Variants in ZMAT4 observed in about 807,000 individuals in gnomAD.
The protein encoded by ZMAT4 is zinc finger matrin-type 4.
In ZMAT4, 17 loss-of-function variants were observed where a neutral mutation model predicts 28.7. That is an observed-to-expected ratio of 0.59 (90% CI 0.41 to 0.89). The LOEUF (loss-of-function observed/expected upper bound fraction) is 0.89. Among genes scored for constraint, ZMAT4 ranks in the 40% least tolerant of loss-of-function variants. The probability of loss-of-function intolerance (pLI) is 0.00; values close to 1 mark genes in which losing one functional copy is unlikely to be tolerated. For synonymous variants in ZMAT4, 117 were observed against 109.2 expected (o/e 1.07, Z -0.44); for missense variants, 240 against 283.8 (o/e 0.85, Z 1.11).
chr8:40,579,793 C>T (rs1012565951), intron 6 of ZMAT4, among the ~76,000 whole-genome samples: 2 of 152,078 alleles, frequency 1.3e-5, no homozygotes, highest in Non-Finnish European at 2.9e-5. Flanking sequence ...TGATGCTGTG[C>T]TAGGAAACAA....
intron 5 of ZMAT4, among the ~76,000 whole-genome samples, chr8:40,622,817 G>C (rs907894370): frequency 6.6e-6 from 1 of 152,156 alleles, no homozygotes; most frequent in African/African-American, 2.4e-5. Context: ...ACCATGAAGA[G>C]AGTACATGTC....
At chr8:40,645,400 T>A (rs1466019364) in intron 5 of ZMAT4, among the ~76,000 whole-genome samples, 1 of 152,204 alleles carries the variant, frequency 6.6e-6, no homozygotes, top group Admixed American at 6.5e-5. Flanking sequence ...ATAATCAATA[T>A]TGTGTTTAAG....
At chr8:40,591,977 GAAA>G (rs11287617) in intron 5 of ZMAT4, among the ~76,000 whole-genome samples, 1 of 151,402 alleles carries the variant, frequency 6.6e-6, no homozygotes, top group Admixed American at 6.6e-5. Flanking sequence ...GTCTTTTATG[GAAA>G]AAAAAAAATA....
chr8:40,638,071 G>A (rs533202239), intron 5 of ZMAT4, among the ~76,000 whole-genome samples: 1 of 152,194 alleles, frequency 6.6e-6, no homozygotes, highest in Admixed American at 6.5e-5. Flanking sequence ...TCAGTAAATG[G>A]ATAAAGAGGA....
chr8:40,740,106 C>T (rs931837655), intron 3 of ZMAT4, among the ~76,000 whole-genome samples: 3 of 152,124 alleles, frequency 2.0e-5, no homozygotes, highest in Non-Finnish European at 4.4e-5. Flanking sequence ...AATAAACATT[C>T]ATGTGCATGT....
intron 6 of ZMAT4, among the ~76,000 whole-genome samples, chr8:40,576,524 C>A (rs1310867968): frequency 2.1e-5 from 3 of 140,092 alleles, no homozygotes; most frequent in African/African-American, 2.9e-5. Flanking sequence ...TATTTAAGGG[C>A]TGAAAGGAAA....
chr8:40,581,518 G>T (rs16889616), intron 5 of ZMAT4, among the ~76,000 whole-genome samples: 9,182 of 152,142 alleles, frequency 0.06, 633 homozygotes, highest in East Asian at 0.37. Flanking sequence ...TTGAGGTAAG[G>T]TGTTCCTGGG....
At chr8:40,791,257 T>C (rs1814311543) in intron 2 of ZMAT4, among the ~76,000 whole-genome samples, 2 of 151,862 alleles carry the variant, frequency 1.3e-5, no homozygotes, top group African/African-American at 4.8e-5. Flanking sequence ...ATCCAGAGAG[T>C]GCAGGGGAGC....
chr8:40,654,104 T>C (rs1331342949), intron 5 of ZMAT4, among the ~76,000 whole-genome samples: 2 of 152,210 alleles, frequency 1.3e-5, no homozygotes, highest in African/African-American at 4.8e-5. Context: ...CTGTTTTGCA[T>C]AACCTGTGAA....
At chr8:40,776,418 T>TG (rs763886562) in intron 2 of ZMAT4, among the ~76,000 whole-genome samples, 49 of 152,326 alleles carry the variant, frequency 3.2e-4, no homozygotes, top group Non-Finnish European at 6.3e-4. Flanking sequence ...CCTACACAAG[T>TG]GACTACATCA....
chr8:40,571,456 C>T (rs937263683), intron 6 of ZMAT4, among the ~76,000 whole-genome samples: 3 of 152,098 alleles, frequency 2.0e-5, no homozygotes, highest in Admixed American at 6.5e-5. Context: ...TGAGGCCTTC[C>T]TCATAGAATG....
At chr8:40,716,840 T>A (rs1014093464) in intron 3 of ZMAT4, among the ~76,000 whole-genome samples, 1 of 152,192 alleles carries the variant, frequency 6.6e-6, no homozygotes, top group African/African-American at 2.4e-5. Context: ...CTAGGCCTTT[T>A]TACTTTGTTA....
At chr8:40,757,078 G>A (rs755911267) in intron 3 of ZMAT4, among the ~76,000 whole-genome samples, 6 of 152,066 alleles carry the variant, frequency 3.9e-5, no homozygotes, top group African/African-American at 9.7e-5. Context: ...CAGTGAAATC[G>A]ACAACAAAAA....
intron 3 of ZMAT4, among the ~76,000 whole-genome samples, chr8:40,736,827 G>A (rs1392680126): frequency 6.6e-6 from 1 of 151,848 alleles, no homozygotes; most frequent in Non-Finnish European, 1.5e-5. Flanking sequence ...AAGAGATGAG[G>A]GGCTAAGCAG....
intron 3 of ZMAT4, among the ~76,000 whole-genome samples, chr8:40,754,609 G>T (rs1392491430): frequency 6.6e-6 from 1 of 152,012 alleles, no homozygotes; most frequent in Non-Finnish European, 1.5e-5. Flanking sequence ...TTCCACCTGG[G>T]GGTATAGTTT....
chr8:40,581,933 C>A (rs1479904669), intron 5 of ZMAT4, among the ~76,000 whole-genome samples: 2 of 152,180 alleles, frequency 1.3e-5, no homozygotes, highest in African/African-American at 4.8e-5. Context: ...AAAATCTTGA[C>A]TGATCTAGAG....
chr8:40,839,330 C>T (rs1256482720), intron 1 of ZMAT4, among the ~76,000 whole-genome samples: 1 of 152,210 alleles, frequency 6.6e-6, no homozygotes, highest in African/African-American at 2.4e-5. Context: ...TGCCACCCTC[C>T]AGAAACTTAC....
chr8:40,751,718 G>A (rs932935628), intron 3 of ZMAT4, among the ~76,000 whole-genome samples: 1 of 152,010 alleles, frequency 6.6e-6, no homozygotes, highest in Non-Finnish European at 1.5e-5. Flanking sequence ...GTAAGAGGGC[G>A]GTTACAGAAG....
At chr8:40,684,692 C>A (rs1809322555) in intron 4 of ZMAT4, among the ~76,000 whole-genome samples, 2 of 152,154 alleles carry the variant, frequency 1.3e-5, no homozygotes, top group South Asian at 4.1e-4. Context: ...ATAGAGAATT[C>A]AAAGATGAGG....
Sources: allele counts gnomAD v4.1 joint callset (sites outside exome capture counted in the v4.1 genomes callset), GRCh38; gene constraint gnomAD v4.1.1; transcripts MANE v1.5; gene names NCBI Gene and HGNC (gene_info 2026-07-23, HGNC 2026-07-21).